STK33: variants seen among roughly 807,000 people sequenced by gnomAD.
The protein encoded by STK33 is serine/threonine-protein kinase 33.
Under a neutral mutation model 58.0 loss-of-function variants are expected in STK33, and 52 were observed. That is an observed-to-expected ratio of 0.90 (90% CI 0.72 to 1.13). The LOEUF (loss-of-function observed/expected upper bound fraction) is 1.13. STK33 is among the 50% of genes most tolerant of loss of function. STK33 has a pLI of 0.00. For missense variants in STK33, 630 were observed against 604.2 expected, an observed-to-expected ratio of 1.04 and a Z score of -0.45; for synonymous variants, 215 against 200.1, an observed-to-expected ratio of 1.07 and a Z score of -0.63.
the STK33 span, among the ~76,000 whole-genome samples, chr11:8,365,933 A>G: frequency 6.6e-6 from 1 of 152,040 alleles, no homozygotes; most frequent in African/African-American, 2.4e-5. Context: ...GCCTGTCTGT[A>G]TATCTGTCTG....
intron 1 of STK33, among the ~76,000 whole-genome samples, chr11:8,508,936 G>C (rs1952086820): frequency 6.6e-6 from 1 of 151,962 alleles, no homozygotes; most frequent in Non-Finnish European, 1.5e-5. Context: ...GACCAACATA[G>C]AGGAACCCCG....
chr11:8,439,869 T>TTATATATATCTATATATATA (rs1944512440), intron 12 of STK33, among the ~76,000 whole-genome samples: 1 of 107,274 alleles, frequency 9.3e-6, no homozygotes, highest in Non-Finnish European at 1.9e-5. Context: ...TATATTATAA[T>TTATATATATCTATATATATA]TATATATATA....
At chr11:8,414,053 A>G (rs1416356354) in intron 14 of STK33, among the ~76,000 whole-genome samples, 16 of 152,332 alleles carry the variant, frequency 1.1e-4, no homozygotes, top group Admixed American at 1.3e-4. Flanking sequence ...GAACTAAAGA[A>G]GTTGCCCAAA....
chr11:8,464,843 A>G (rs1947986707), intron 6 of STK33, 21 bp from the exon 7 acceptor site: 7 of 1,406,494 alleles, frequency 5.0e-6, no homozygotes, highest in Non-Finnish European at 7.0e-6. Context: ...AAAAAAAAAG[A>G]GTTGTCTCTC....
At chr11:8,483,789 T>A (rs1259853301) in intron 1 of STK33, among the ~76,000 whole-genome samples, 1 of 152,164 alleles carries the variant, frequency 6.6e-6, no homozygotes, top group Non-Finnish European at 1.5e-5. Flanking sequence ...CGTGACAGAA[T>A]AAATGGCTTA....
intron 1 of STK33, among the ~76,000 whole-genome samples, chr11:8,543,638 T>C (rs560325792): frequency 1.8e-4 from 28 of 152,246 alleles, no homozygotes; most frequent in African/African-American, 6.3e-4. Flanking sequence ...GACTGGTTAA[T>C]GGGTACATTA....
At chr11:8,426,600 TTC>T (rs1479382377) in intron 14 of STK33, among the ~76,000 whole-genome samples, 1 of 152,212 alleles carries the variant, frequency 6.6e-6, no homozygotes, top group Non-Finnish European at 1.5e-5. Context: ...TTTTCTCTAT[TTC>T]TGTCTTAATT....
the STK33 span, among the ~76,000 whole-genome samples, chr11:8,358,467 G>A: frequency 1.3e-5 from 2 of 152,230 alleles, no homozygotes; most frequent in African/African-American, 4.8e-5. Context: ...TCTGCCCTCC[G>A]GCCAAGGTCT....
chr11:8,467,849 G>A (rs1948371248), intron 6 of STK33, among the ~76,000 whole-genome samples: 1 of 152,024 alleles, frequency 6.6e-6, no homozygotes. Flanking sequence ...GGAGGCTGAG[G>A]CACACGAATT....
the STK33 span, among the ~76,000 whole-genome samples, chr11:8,386,843 G>A: frequency 6.6e-6 from 1 of 152,192 alleles, no homozygotes; most frequent in Non-Finnish European, 1.5e-5. Context: ...CCTGATGAAG[G>A]GATGTGGGAA....
chr11:8,417,828 C>T (rs1941344956), intron 14 of STK33, among the ~76,000 whole-genome samples: 1 of 152,118 alleles, frequency 6.6e-6, no homozygotes, highest in African/African-American at 2.4e-5. Context: ...TGTGGAGGAA[C>T]AAGCACTCTC....
chr11:8,352,909 G>A, the STK33 span, among the ~76,000 whole-genome samples: 3 of 152,248 alleles, frequency 2.0e-5, no homozygotes, highest in Non-Finnish European at 4.4e-5. Flanking sequence ...CACTCTTCCA[G>A]TGGGGTTCCA....
At chr11:8,430,434 C>A (rs376965962) in intron 14 of STK33, among the ~76,000 whole-genome samples, 3 of 152,078 alleles carry the variant, frequency 2.0e-5, no homozygotes, top group East Asian at 3.9e-4. Flanking sequence ...CTGGGCCACA[C>A]TGGAAGAAGA....
chr11:8,592,190 AG>A (rs1487474619), intron 1 of STK33, among the ~76,000 whole-genome samples: 1 of 152,144 alleles, frequency 6.6e-6, no homozygotes, highest in African/African-American at 2.4e-5. Flanking sequence ...CCTGCAGGGA[AG>A]TAACAACTCG....
intron 1 of STK33, among the ~76,000 whole-genome samples, chr11:8,517,902 T>C (rs1028593795): frequency 2.0e-5 from 3 of 152,092 alleles, no homozygotes; most frequent in African/African-American, 7.2e-5. Flanking sequence ...TGGAACCAAG[T>C]TGGAAAACCA....
At position 8,440,760 on chromosome 11, in the gene STK33, A is replaced by T; in HGVS notation, c.872-7T>A. On this transcript the variant is annotated splice_polypyrimidine_tract_variant and splice_region_variant and intron_variant, in intron 11 of 15. Transcript: ENST00000687296. Reference sequence around the variant, plus strand: ...GCACTGATAACTTCAGGGGCTGCCAAACAAGCAGATATAAAATAACATTAA... The same window carrying T: ...GCACTGATAACTTCAGGGGCTGCCATACAAGCAGATATAAAATAACATTAA... 1 of 1,558,304 alleles carries T rather than the reference A, an allele frequency of 6.4e-7. No homozygotes were observed. Among genetic ancestry groups the T allele is most frequent in the Non-Finnish European group, 8.7e-7 (1 of 1,149,548 alleles).
intron 1 of STK33, among the ~76,000 whole-genome samples, chr11:8,530,809 CCT>C (rs1259498907): frequency 6.6e-6 from 1 of 152,180 alleles, no homozygotes; most frequent in Admixed American, 6.5e-5. Context: ...CGTGCCTCAG[CCT>C]CTCTGAGTTG....
chr11:8,547,252 T>C (rs898085814), intron 1 of STK33, among the ~76,000 whole-genome samples: 2 of 152,248 alleles, frequency 1.3e-5, no homozygotes, highest in Admixed American at 6.5e-5. Flanking sequence ...TTCATTCTTG[T>C]TGCCCAGGCT....
intron 1 of STK33, among the ~76,000 whole-genome samples, chr11:8,551,735 G>A (rs114052233): frequency 4.4e-4 from 67 of 152,204 alleles, no homozygotes; most frequent in African/African-American, 1.5e-3. Flanking sequence ...GAACTATATT[G>A]CTGTCCCGTT....
Sources: allele counts gnomAD v4.1 joint callset (sites outside exome capture counted in the v4.1 genomes callset), GRCh38; gene constraint gnomAD v4.1.1; transcripts MANE v1.5; gene names NCBI Gene and HGNC (gene_info 2026-07-23, HGNC 2026-07-21).